KCNQ5: variants seen among roughly 807,000 people sequenced by gnomAD.
KCNQ5 encodes potassium voltage-gated channel subfamily Q member 5, also known as potassium voltage-gated channel subfamily KQT member 5.
Under a neutral mutation model 98.2 loss-of-function variants are expected in KCNQ5, and 30 were observed. The observed-to-expected ratio is 0.31, with a 90% CI of 0.23 to 0.41. The LOEUF (loss-of-function observed/expected upper bound fraction) is 0.41. Ranked by LOEUF, KCNQ5 falls within the 10% of genes least tolerant of loss-of-function variation. The pLI, the probability that KCNQ5 is intolerant of heterozygous loss-of-function variation, is 1.00. For synonymous variants in KCNQ5, 458 were observed against 449.4 expected, an observed-to-expected ratio of 1.02 and a Z score of -0.24; for missense variants, 835 against 1,182.5, an observed-to-expected ratio of 0.71 and a Z score of 4.31.
intron 1 of KCNQ5, among the ~76,000 whole-genome samples, chr6:72,982,937 T>C (rs1768543814): frequency 6.6e-6 from 1 of 152,226 alleles, no homozygotes; most frequent in South Asian, 2.1e-4. Context: ...TGAAGCTTGG[T>C]TTGGCTGGAT....
intron 10 of KCNQ5, among the ~76,000 whole-genome samples, chr6:73,139,982 T>A (rs569138613): frequency 6.6e-6 from 1 of 151,796 alleles, no homozygotes; most frequent in South Asian, 2.1e-4. Context: ...TAAAGATAGT[T>A]CATCCCCTTC....
At chr6:72,716,985 T>C (rs1769680164) in intron 1 of KCNQ5, among the ~76,000 whole-genome samples, 1 of 152,200 alleles carries the variant, frequency 6.6e-6, no homozygotes, top group African/African-American at 2.4e-5. Context: ...AGAGCTTCTA[T>C]GGAGTTTGCA....
At chr6:73,030,365 C>T (rs1025813041) in intron 2 of KCNQ5, among the ~76,000 whole-genome samples, 1 of 152,160 alleles carries the variant, frequency 6.6e-6, no homozygotes, top group African/African-American at 2.4e-5. Flanking sequence ...ATGAGCCTAA[C>T]TGACTGAGTT....
chr6:73,114,352 C>T (rs1473419278), intron 7 of KCNQ5, among the ~76,000 whole-genome samples: 1 of 152,168 alleles, frequency 6.6e-6, no homozygotes, highest in Non-Finnish European at 1.5e-5. Context: ...CTTAAAAGGG[C>T]AACTGAGATG....
intron 1 of KCNQ5, among the ~76,000 whole-genome samples, chr6:72,690,955 T>C (rs1768188312): frequency 6.6e-6 from 1 of 152,124 alleles, no homozygotes; most frequent in African/African-American, 2.4e-5. Context: ...TCCTAAAGAA[T>C]TGTTATATAT....
chr6:72,799,057 C>A (rs1774491410), intron 1 of KCNQ5, among the ~76,000 whole-genome samples: 1 of 151,930 alleles, frequency 6.6e-6, no homozygotes, highest in African/African-American at 2.4e-5. Context: ...TCCAGAGAAA[C>A]AACCAGTAAG....
At position 72,964,907 on chromosome 6, in the gene KCNQ5, A is replaced by G. The variant is rs1173878967; in HGVS notation, c.399-39001A>G. Among the ~76,000 whole-genome samples the G allele has an allele frequency of 2.0e-5, 3 of 151,708 alleles. No homozygotes were observed. In the East Asian group the frequency reaches 5.8e-4, roughly 29 times the overall value. ...TAAACATGTGTCCCTTGCAAGACCT[A>G]TTTTCTGCTGTTTTTCACATTTTCG... On this transcript the variant is annotated intron_variant, in intron 1 of 13. Coordinates refer to ENST00000370398, the MANE Select transcript of KCNQ5 (RefSeq NM_019842.4).
intron 1 of KCNQ5, among the ~76,000 whole-genome samples, chr6:72,829,812 G>A (rs565942256): frequency 1.6e-4 from 25 of 152,230 alleles, no homozygotes; most frequent in African/African-American, 5.5e-4. Context: ...AAAAAAGAAC[G>A]TTTTTCTAAG....
At chr6:72,978,716 T>C (rs541823131) in intron 1 of KCNQ5, among the ~76,000 whole-genome samples, 29 of 152,362 alleles carry the variant, frequency 1.9e-4, no homozygotes, top group African/African-American at 6.7e-4. Context: ...CTAGGGTACA[T>C]GTGCACAACG....
chr6:72,739,452 A>G (rs1582201016), intron 1 of KCNQ5, among the ~76,000 whole-genome samples: 2 of 152,174 alleles, frequency 1.3e-5, no homozygotes, highest in Admixed American at 6.5e-5. Flanking sequence ...TGTTCTATCA[A>G]TGACCTTTCC....
chr6:72,817,925 CA>C (rs977792121), intron 1 of KCNQ5, among the ~76,000 whole-genome samples: 1 of 150,096 alleles, frequency 6.7e-6, no homozygotes, highest in Admixed American at 6.7e-5. Context: ...GAGGCCCACA[CA>C]AAAAAAAGAA....
chr6:72,924,687 A>C (rs931948544), intron 1 of KCNQ5, among the ~76,000 whole-genome samples: 1 of 152,094 alleles, frequency 6.6e-6, no homozygotes, highest in African/African-American at 2.4e-5. Context: ...CGCATACCAC[A>C]CACACACCTT....
At position 73,003,959 on chromosome 6, in the gene KCNQ5, T is replaced by C. The variant is rs578059310; in HGVS notation, c.450T>C (p.Pro150=). ...CLILSVFSTI[P]EHTKLASSCL... ...TTTTGTCAGTGTTTTCTACCATCCC[T>C]GAGCACACAAAATTGGCCTCAAGTT... The change falls in exon 2 of 14, where the codon CCT becomes CCC. Residue 150 remains proline (P), a synonymous_variant. Transcript: ENST00000370398. The C allele has an allele frequency of 6.2e-7, 1 of 1,613,420 alleles. No homozygotes were observed. Among genetic ancestry groups the C allele is most frequent in the East Asian group, 2.2e-5 (1 of 44,860 alleles).
chr6:72,631,634 A>G (rs959815589), intron 1 of KCNQ5, among the ~76,000 whole-genome samples: 10 of 152,242 alleles, frequency 6.6e-5, no homozygotes, highest in Admixed American at 6.5e-4. Context: ...GTTAACCTTC[A>G]GTGAAGCAGT....
At chr6:72,971,421 T>G (rs986034541) in intron 1 of KCNQ5, among the ~76,000 whole-genome samples, 16 of 152,214 alleles carry the variant, frequency 1.1e-4, no homozygotes, top group Non-Finnish European at 2.2e-4. Flanking sequence ...GTTCAACCAT[T>G]GTGGAAGACA....
At chr6:72,821,835 G>A (rs1047936755) in intron 1 of KCNQ5, among the ~76,000 whole-genome samples, 5 of 151,968 alleles carry the variant, frequency 3.3e-5, no homozygotes, top group African/African-American at 7.3e-5. Context: ...CATTGCCAAA[G>A]CTGCCCTCAG....
intron 10 of KCNQ5, among the ~76,000 whole-genome samples, chr6:73,159,675 T>C (rs908126914): frequency 1.1e-4 from 17 of 152,250 alleles, no homozygotes; most frequent in African/African-American, 3.9e-4. Flanking sequence ...AATTTTAAAA[T>C]TTCTAGTAAG....
At chr6:72,885,577 C>G (rs138486386) in intron 1 of KCNQ5, among the ~76,000 whole-genome samples, 190 of 152,270 alleles carry the variant, frequency 1.2e-3, no homozygotes, top group African/African-American at 4.4e-3. Context: ...CTCTGAAAAT[C>G]CTTTTTATAA....
At chr6:72,752,608 A>C (rs1378640100) in intron 1 of KCNQ5, among the ~76,000 whole-genome samples, 1 of 152,156 alleles carries the variant, frequency 6.6e-6, no homozygotes, top group Non-Finnish European at 1.5e-5. Context: ...GTATTCATAC[A>C]TGTTCACAAC....
Sources: allele counts gnomAD v4.1 joint callset (sites outside exome capture counted in the v4.1 genomes callset), GRCh38; gene constraint gnomAD v4.1.1; transcripts MANE v1.5; gene names NCBI Gene and HGNC (gene_info 2026-07-23, HGNC 2026-07-21).